The following LSM14A variants were observed in gnomAD, a reference collection of about 807,000 sequenced individuals.
The protein encoded by LSM14A is LSM14A mRNA processing body assembly factor.
In LSM14A, 14 loss-of-function variants were observed where a neutral mutation model predicts 52.4. The observed-to-expected ratio is 0.27, with a 90% CI of 0.18 to 0.42. The LOEUF is 0.42. Among genes scored for constraint, LSM14A ranks in the 10% least tolerant of loss-of-function variants. The pLI, the probability that LSM14A is intolerant of heterozygous loss-of-function variation, is 1.00. For synonymous variants in LSM14A, 185 were observed against 200.3 expected, an observed-to-expected ratio of 0.92 and a Z score of 0.64; for missense variants, 417 against 581.8, an observed-to-expected ratio of 0.72 and a Z score of 2.91.
chr19:34,192,310 C>CTTTTT (rs1568479681), intron 1 of LSM14A, among the ~76,000 whole-genome samples: 7 of 51,656 alleles, frequency 1.4e-4, no homozygotes, highest in Admixed American at 2.2e-4. Flanking sequence ...AAATAACATT[C>CTTTTT]TTTTTGTTGT....
chr19:34,204,344 T>A (rs2071526417), intron 3 of LSM14A, among the ~76,000 whole-genome samples: 2 of 152,160 alleles, frequency 1.3e-5, no homozygotes, highest in Non-Finnish European at 2.9e-5. Flanking sequence ...AATCCCCAGA[T>A]AATTTGGTAT....
chr19:34,215,067 C>T, intron 4 of LSM14A, 57 bp from the exon 5 acceptor site: 1 of 1,424,024 alleles, frequency 7.0e-7, no homozygotes, highest in Admixed American at 2.3e-5. Flanking sequence ...TTTTTAGGGT[C>T]TAGATTATTT....
intron 1 of LSM14A, among the ~76,000 whole-genome samples, chr19:34,174,425 CT>C (rs1246726816): frequency 6.6e-6 from 1 of 152,196 alleles, no homozygotes; most frequent in Non-Finnish European, 1.5e-5. Flanking sequence ...ATCACCAAGT[CT>C]AATTTTAAAA....
In LSM14A at chr19:34,200,477, G is replaced by A. The variant is rs576085601; in HGVS notation, c.415+3714G>A. ...AAAGTGTTTTTGTTTGGGGGAGGTG[G>A]TTTTGAAGTATTTAAAAGTAAAAGG... On this transcript the variant is annotated intron_variant, in intron 3 of 9. Coordinates refer to ENST00000544216, the MANE Select transcript of LSM14A (RefSeq NM_015578.4). Among the ~76,000 whole-genome samples, 9 of 152,168 alleles carry A rather than the reference G, an allele frequency of 5.9e-5. No individual in the cohort carries two copies. In the South Asian group the frequency reaches 1.9e-3, roughly 32 times the overall value.
At chr19:34,172,946 T>C (rs1260606) in intron 1 of LSM14A, among the ~76,000 whole-genome samples, 183 bp downstream of exon 1, 92,017 of 152,070 alleles carry the variant, frequency 0.61, 28,634 homozygotes, top group African/African-American at 0.67. Context: ...GGCTCCCTGG[T>C]TTCCGCCCCC....
Position 34,213,020 on chromosome 19 carries a change from G to A in LSM14A, c.539-2104G>A, listed in dbSNP as rs182618363. On this transcript the variant is annotated intron_variant, in intron 4 of 9. Transcript: ENST00000544216. ...AAAAAAATTAGCAAGGTGTGGTAGC[G>A]CACATCTATAGTCCTAGCTACTCAA... is the stretch of plus-strand genomic sequence containing the variant. Among the ~76,000 whole-genome samples the A allele has an allele frequency of 2.2e-4, 34 of 152,152 alleles. No individual in the cohort carries two copies. The East Asian group carries it at 6.0e-3, about 27-fold the overall frequency.
rs2073401548 is a variant in LSM14A at position 34,227,467 on chromosome 19, A to G, written c.*79A>G. ...ACATTGATTTCAGTCTTTGCAAAGA[A>G]TGAAGAAGTGAATTCGCTGTACATT... On this transcript the variant is annotated 3_prime_UTR_variant, in exon 10 of 10. Coordinates refer to ENST00000544216, the MANE Select transcript of LSM14A (RefSeq NM_015578.4). 9.0e-7 allele frequency: 1 copy of G among 1,111,888 alleles called. No individual in the cohort carries two copies. The highest frequency in any genetic ancestry group is 1.3e-6 in the Non-Finnish European group (1 of 775,236). The allele number at this position is 1,111,888 out of a possible 1,614,324, so 68.9% of individuals were successfully genotyped here.
intron 1 of LSM14A, among the ~76,000 whole-genome samples, chr19:34,180,340 C>G (rs1004988950): frequency 5.9e-5 from 9 of 152,050 alleles, no homozygotes; most frequent in African/African-American, 9.7e-5. Context: ...GAAAATGCGA[C>G]CCAAAATGCC....
intron 3 of LSM14A, among the ~76,000 whole-genome samples, chr19:34,198,769 G>A (rs761581045): frequency 5.3e-5 from 8 of 152,114 alleles, no homozygotes; most frequent in East Asian, 1.9e-4. Context: ...TGTGGATCAC[G>A]AGGTCAGGAG....
chr19:34,215,742 A>T (rs1393382262), intron 6 of LSM14A, 81 bp downstream of exon 6: 5 of 1,007,584 alleles, frequency 5.0e-6, no homozygotes, highest in Non-Finnish European at 7.5e-6. Context: ...TAATTACTAT[A>T]AAAAAATGAA....
rs200687879 is a variant in LSM14A, at chr19:34,219,416, G to A, written c.807G>A (p.Arg269=). Residue 269 remains arginine, a synonymous_variant, in exon 7 of 10, where the codon AGG becomes AGA. Coordinates refer to ENST00000544216, the MANE Select transcript of LSM14A (RefSeq NM_015578.4). ...CTCCAGGTGCTCCTTCAGCTCCAAG[G>A]AGAGGGCGTGGGGGTCATCGGGGTG... ...QVAPGAPSAP[R]RGRGGHRGGR... 6.2e-7 allele frequency: 1 copy of A among 1,612,072 alleles called. No homozygotes were observed. Among genetic ancestry groups the A allele is most frequent in the African/African-American group, 1.3e-5 (1 of 74,864 alleles).
chr19:34,208,573 A>C (rs2145773085), intron 3 of LSM14A: 1 of 163,816 alleles, frequency 6.1e-6, no homozygotes, highest in East Asian at 1.7e-4. Flanking sequence ...TAGTATTAGA[A>C]TCACTGAACC....
Position 34,215,582 on chromosome 19 carries a change from GTCT to G in LSM14A, c.716-7_716-5del, listed in dbSNP as rs762942686. On this transcript the variant is annotated splice_polypyrimidine_tract_variant and intron_variant, in intron 5 of 9. Transcript: ENST00000544216. ...CCTGAGTTGATTTGGCACTTTGCATGTCTTCTTCTGTAGCTGAAGTACACAAAG... is the reference window on the plus strand; with the variant it reads ...CCTGAGTTGATTTGGCACTTTGCATGTCTTCTGTAGCTGAAGTACACAAAG... 31 of 1,605,690 alleles carry G rather than the reference GTCT, an allele frequency of 1.9e-5. No homozygotes were observed. The highest frequency in any genetic ancestry group is 4.0e-5 in the African/African-American group (3 of 74,658).
rs538255000 is a variant in LSM14A at position 34,224,312 on chromosome 19, C to T, written c.1368+2574C>T. On this transcript the variant is annotated intron_variant, in intron 9 of 9. Coordinates refer to ENST00000544216, the MANE Select transcript of LSM14A (RefSeq NM_015578.4). ...CGCCACTGTACTCCAGCCTGGGCGA[C>T]AGAGCAAGACTCCGTCTCAAAAAAA... Among the ~76,000 whole-genome samples the T allele has an allele frequency of 7.9e-5, 12 of 152,296 alleles. No individual in the cohort carries two copies. In the South Asian group the frequency reaches 2.5e-3, roughly 32 times the overall value.
At chr19:34,214,169 T>A (rs958590116) in intron 4 of LSM14A, among the ~76,000 whole-genome samples, 6 of 152,156 alleles carry the variant, frequency 3.9e-5, no homozygotes, top group Admixed American at 2.6e-4. Context: ...CTGAAGGGTT[T>A]TTTTTGTTTG....
rs1443338359 is a variant in LSM14A at position 34,229,074 on chromosome 19, A to G, written c.*1686A>G. On this transcript the variant is annotated 3_prime_UTR_variant, in exon 10 of 10. Coordinates refer to ENST00000544216, the MANE Select transcript of LSM14A (RefSeq NM_015578.4). ...TGGCAATACATGTGTAGACTGTTGGAGATGTCCCGGGCCAATTTCAAGAAA... is the reference window on the plus strand; with the variant it reads ...TGGCAATACATGTGTAGACTGTTGGGGATGTCCCGGGCCAATTTCAAGAAA... The G allele has an allele frequency of 3.3e-5, 5 of 152,170 alleles. No homozygotes were observed. The highest frequency in any genetic ancestry group is 7.3e-5 in the Non-Finnish European group (5 of 68,038). The allele number at this position is 152,170 out of a possible 1,614,324, so 9.4% of individuals were successfully genotyped here. A position where few individuals can be genotyped will look rare whatever the true frequency, so the allele number is the denominator to read the frequency against.
In LSM14A at chr19:34,172,685, A is replaced by T; in HGVS notation, c.43A>T (p.Ile15Phe). The change falls in exon 1 of 10, where the codon ATC becomes TTC. Residue 15 changes from isoleucine (I) to phenylalanine (F), a missense_variant. By Grantham distance (21) the Ile-to-Phe change is conservative. This residue lies in a region of LSM14A where 60 missense variants were observed against 124.8 expected (regional missense o/e 0.48). Coordinates refer to ENST00000544216, the MANE Select transcript of LSM14A (RefSeq NM_015578.4). ...TTACATCGGCAGCAAGATCAGCCTCATCTCCAAGGCGGAGATCCGCTACGA... is the reference window on the plus strand; with the variant it reads ...TTACATCGGCAGCAAGATCAGCCTCTTCTCCAAGGCGGAGATCCGCTACGA... Reference protein sequence around the residue: ...TPYIGSKISLISKAEIRYEGI... With the variant: ...TPYIGSKISLFSKAEIRYEGI... 1 of 1,581,490 alleles carries T rather than the reference A, an allele frequency of 6.3e-7. No individual in the cohort carries two copies. Among genetic ancestry groups the T allele is most frequent in the Non-Finnish European group, 8.6e-7 (1 of 1,165,386 alleles).
chr19:34,177,829 C>G (rs183180946), intron 1 of LSM14A, among the ~76,000 whole-genome samples: 95 of 152,068 alleles, frequency 6.2e-4, no homozygotes, highest in Middle Eastern at 3.4e-3. Context: ...CCAAGAGGAG[C>G]TGTGATCATG....
At chr19:34,193,444 A>G in intron 1 of LSM14A, among the ~76,000 whole-genome samples, 1 of 152,210 alleles carries the variant, frequency 6.6e-6, no homozygotes, top group East Asian at 1.9e-4. Flanking sequence ...TACAGGCATG[A>G]GCCACTGTGC....
Sources: gnomAD v4.1 joint callset for allele counts (sites outside exome capture counted in the v4.1 genomes callset) on GRCh38, gnomAD v4.1.1 for gene constraint, gnomAD v4.1.1 regional missense constraint, MANE v1.5 for transcripts, NCBI Gene and HGNC (gene_info 2026-07-23, HGNC 2026-07-21) for gene names.